ATP2B2: variants seen among roughly 807,000 people sequenced by gnomAD.
ATP2B2 encodes plasma membrane calcium-transporting ATPase 2.
ATP2B2 carries 15 observed loss-of-function variants against 120.0 expected under a neutral mutation model. The observed-to-expected ratio is 0.12, with a 90% CI of 0.08 to 0.19. The LOEUF (loss-of-function observed/expected upper bound fraction) is 0.19, where lower values mean the gene tolerates loss of function less well. ATP2B2 is among the 10% of genes least tolerant of loss of function. ATP2B2 has a pLI of 1.00. For missense variants in ATP2B2, 1,045 were observed against 1,719.8 expected (o/e 0.61, Z 6.94); for synonymous variants, 694 against 700.3 (o/e 0.99, Z 0.14).
At chr3:10,422,896 T>G (rs1470626823) in intron 2 of ATP2B2, among the ~76,000 whole-genome samples, 1 of 152,230 alleles carries the variant, frequency 6.6e-6, no homozygotes, top group African/African-American at 2.4e-5. Flanking sequence ...GTTCCCACTC[T>G]TCTCTCCACT....
At chr3:10,539,611 T>C (rs570934951) in intron 2 of ATP2B2, among the ~76,000 whole-genome samples, 1 of 152,114 alleles carries the variant, frequency 6.6e-6, no homozygotes, top group Admixed American at 6.5e-5. Flanking sequence ...CAACAAGAAA[T>C]GGGGAAAGGA....
chr3:10,378,271 A>G lies in ATP2B2; in HGVS notation c.1182T>C (p.Ala394=). The part of the protein sequence containing the change: ...SVLQGKLTKL[A]VQIGKAGLVM... ...ACTCACCCGCCTTCCCGATCTGCAC[A>G]GCCAGCTTGGTGAGCTTGCCCTGCA... The change falls in exon 10 of 23, where the codon GCT becomes GCC. Residue 394 remains alanine, a synonymous_variant. Transcript: ENST00000360273. 6.2e-7 allele frequency: 1 copy of G among 1,608,496 alleles called. No homozygotes were observed. The highest frequency in any genetic ancestry group is 1.3e-5 in the African/African-American group (1 of 75,070).
rs543751092 is a variant in ATP2B2, at chr3:10,408,786, C to T, written c.397+1832G>A. On this transcript the variant is annotated intron_variant, in intron 3 of 22. Coordinates refer to ENST00000360273, the MANE Select transcript of ATP2B2 (RefSeq NM_001001331.4). The stretch of plus-strand genomic sequence containing the variant: ...GCGCTCGGTCCATGTTACCCCTCCA[C>T]CCCCTCCACCACCTGCTATCTGAGT... 1.1e-4 allele frequency among the ~76,000 whole-genome samples: 16 copies of T among 152,266 alleles called. No homozygotes were observed. In the South Asian group the frequency reaches 3.3e-3, roughly 32 times the overall value.
intron 1 of ATP2B2, among the ~76,000 whole-genome samples, chr3:10,661,288 G>T (rs2070773622): frequency 6.6e-6 from 1 of 152,034 alleles, no homozygotes; most frequent in South Asian, 2.1e-4. Flanking sequence ...TATTCAATTA[G>T]GAAAAGAGGA....
intron 1 of ATP2B2, among the ~76,000 whole-genome samples, chr3:10,451,071 A>G (rs905989731): frequency 6.6e-6 from 1 of 152,152 alleles, no homozygotes; most frequent in Non-Finnish European, 1.5e-5. Context: ...TCTTTCACAC[A>G]TTTTAGAGCT....
intron 1 of ATP2B2, among the ~76,000 whole-genome samples, chr3:10,496,283 AC>A (rs1304760985): frequency 6.6e-6 from 1 of 152,042 alleles, no homozygotes; most frequent in Admixed American, 6.5e-5. Context: ...AGTCCTCCTT[AC>A]CGGTCTGCAG....
intron 2 of ATP2B2, among the ~76,000 whole-genome samples, chr3:10,606,690 AC>A (rs948203648): frequency 3.9e-5 from 6 of 151,938 alleles, no homozygotes; most frequent in African/African-American, 1.5e-4. Flanking sequence ...AAATGTGTCT[AC>A]TTTTACAACG....
chr3:10,440,270 C>T (rs952120468), intron 2 of ATP2B2, among the ~76,000 whole-genome samples: 2 of 152,096 alleles, frequency 1.3e-5, no homozygotes, highest in Non-Finnish European at 2.9e-5. Flanking sequence ...TTTCCCCAAC[C>T]TTCGGTTTCC....
intron 2 of ATP2B2, among the ~76,000 whole-genome samples, chr3:10,536,559 C>G (rs1448072160): frequency 1.3e-5 from 2 of 151,890 alleles, no homozygotes; most frequent in Non-Finnish European, 2.9e-5. Context: ...AAGGGTCTCA[C>G]TCTGTCACCC....
chr3:10,326,973 A>T lies in ATP2B2; in HGVS notation c.*1841T>A. 1 of 398,352 alleles carries T rather than the reference A, an allele frequency of 2.5e-6. No homozygotes were observed. The highest frequency in any genetic ancestry group is 2.1e-5 in the African/African-American group (1 of 48,768). 24.7% of individuals were successfully genotyped at this position (398,352 alleles called of 1,614,324 possible). A position where few individuals can be genotyped will look rare whatever the true frequency, so the allele number is the denominator to read the frequency against. On this transcript the variant is annotated 3_prime_UTR_variant, in exon 23 of 23. Transcript: ENST00000360273. ...CAGCATGAGGAATGGATTTTGCAAG[A>T]GAGGCGGAAAGTGTTTGGTTTTCCT... is the stretch of plus-strand genomic sequence containing the variant.
intron 1 of ATP2B2, among the ~76,000 whole-genome samples, chr3:10,641,977 C>T (rs975774364): frequency 2.3e-5 from 2 of 86,910 alleles, no homozygotes; most frequent in Non-Finnish European, 4.5e-5. Context: ...CTCATCCACC[C>T]ACACACTCAT....
intron 1 of ATP2B2, among the ~76,000 whole-genome samples, chr3:10,625,015 A>G (rs574537675): frequency 7.5e-4 from 114 of 152,282 alleles, no homozygotes; most frequent in African/African-American, 2.5e-3. Context: ...CAGCTTTGGT[A>G]TTTCAAATGT....
At chr3:10,561,132 A>T (rs2125529669) in intron 2 of ATP2B2, among the ~76,000 whole-genome samples, 1 of 152,256 alleles carries the variant, frequency 6.6e-6, no homozygotes, top group South Asian at 2.1e-4. Flanking sequence ...TTGTGTAGTT[A>T]TCTGTGTGAT....
chr3:10,417,022 ATAGGG>A (rs2062808947), intron 2 of ATP2B2, among the ~76,000 whole-genome samples: 2 of 127,626 alleles, frequency 1.6e-5, no homozygotes, highest in Admixed American at 8.6e-5. Flanking sequence ...CACTTCCCAG[ATAGGG>A]CGGCAGCCAG....
chr3:10,423,212 G>A (rs1052406502), intron 2 of ATP2B2, among the ~76,000 whole-genome samples: 1 of 152,194 alleles, frequency 6.6e-6, no homozygotes, highest in Non-Finnish European at 1.5e-5. Context: ...CAATGTCCCT[G>A]GATGCCCTGT....
intron 7 of ATP2B2, 140 bp from the exon 8 acceptor site, chr3:10,385,467 T>A: frequency 1.4e-6 from 1 of 704,374 alleles, no homozygotes; most frequent in Non-Finnish European, 2.4e-6. Flanking sequence ...ACCAAGAAAC[T>A]CAAATTTGGG....
chr3:10,573,233 T>C (rs906834621), intron 2 of ATP2B2, among the ~76,000 whole-genome samples: 8 of 152,234 alleles, frequency 5.3e-5, no homozygotes, highest in African/African-American at 1.7e-4. Flanking sequence ...AAGGCCAATT[T>C]GATTACTGCT....
chr3:10,523,323 A>C (rs953562941), intron 3 of ATP2B2, among the ~76,000 whole-genome samples: 1 of 152,242 alleles, frequency 6.6e-6, no homozygotes, highest in Non-Finnish European at 1.5e-5. Flanking sequence ...GAGTATGACA[A>C]GCTTTTAACT....
At chr3:10,546,485 G>C (rs1048180177) in intron 2 of ATP2B2, among the ~76,000 whole-genome samples, 1 of 152,176 alleles carries the variant, frequency 6.6e-6, no homozygotes, top group African/African-American at 2.4e-5. Flanking sequence ...GACTTTGCCT[G>C]GTCCCGCCCC....
Sources: allele counts gnomAD v4.1 joint callset (sites outside exome capture counted in the v4.1 genomes callset), GRCh38; gene constraint gnomAD v4.1.1; transcripts MANE v1.5; gene names NCBI Gene and HGNC (gene_info 2026-07-23, HGNC 2026-07-21).